Variants in TBL1X observed in about 807,000 individuals in gnomAD.
TBL1X encodes transducin beta like 1 X-linked.
TBL1X carries 10 observed loss-of-function variants against 50.7 expected under a neutral mutation model. That is an observed-to-expected ratio of 0.20 (90% CI 0.12 to 0.33). The LOEUF is 0.33. TBL1X is among the 10% of genes least tolerant of loss of function. The pLI is 1.00. For missense variants in TBL1X, 340 were observed against 504.4 expected (o/e 0.67, Z 3.12); for synonymous variants, 190 against 214.7 (o/e 0.88, Z 1.01).
chrX:9,698,953 C>T (rs1240627729), intron 12 of TBL1X, among the ~76,000 whole-genome samples: 2 of 111,545 alleles, frequency 1.8e-5, no homozygotes, highest in Non-Finnish European at 3.8e-5. Context: ...CAGATTCCCA[C>T]CTGATTCTTC....
chrX:9,515,583 A>G (rs1320227211), intron 2 of TBL1X, among the ~76,000 whole-genome samples: 2 of 112,064 alleles, frequency 1.8e-5, no homozygotes, highest in Non-Finnish European at 3.8e-5. Flanking sequence ...AGAATTCAGC[A>G]CAATTTCCTT....
chrX:9,625,871 G>A lies in TBL1X; in HGVS notation c.-130-14402G>A, dbSNP rs766893993. 5.8e-4 allele frequency among the ~76,000 whole-genome samples: 65 copies of A among 112,228 alleles called. 1 individual carries two copies. Among genetic ancestry groups the A allele is most frequent in the Non-Finnish European group, 7.7e-4 (41 of 53,168 alleles). Reference sequence around the variant, plus strand: ...GGAGAATCGCTTGAACCCGGCGGGGGGGCGGAGGTTACAGTGAGCCGAGAT... The same window carrying A: ...GGAGAATCGCTTGAACCCGGCGGGGAGGCGGAGGTTACAGTGAGCCGAGAT... On this transcript the variant is annotated intron_variant, in intron 2 of 17. Transcript: ENST00000645353.
chrX:9,674,680 GCCCCCCCCCCCCCC>G (rs57080019), intron 5 of TBL1X, among the ~76,000 whole-genome samples: 51 of 4,007 alleles, frequency 0.013, 7 homozygotes, highest in African/African-American at 0.034. Flanking sequence ...TCCCGCCTCA[GCCCCCCCCCCCCCC>G]CCCCCCCCCC....
In TBL1X at chrX:9,687,884, G is replaced by A. The variant is rs148824311; in HGVS notation, c.358-133G>A. 1.8e-3 allele frequency: 1,975 copies of A among 1,070,956 alleles called. 22 individuals carry two copies. The African/African-American group carries it at 0.032, about 17-fold the overall frequency. The allele number at this position is 1,070,956 out of a possible 1,213,427, so 88.3% of individuals were successfully genotyped here. On this transcript the variant is annotated intron_variant, in intron 6 of 17. Coordinates refer to ENST00000645353, the MANE Select transcript of TBL1X (RefSeq NM_005647.4). Reference sequence around the variant, plus strand: ...GCTCCAGGTCCATGCCGCTTCCCCCGTGGCCCCCTGGTTGCTGGGAGCCAG... The same window carrying A: ...GCTCCAGGTCCATGCCGCTTCCCCCATGGCCCCCTGGTTGCTGGGAGCCAG...
chrX:9,629,512 G>A (rs1439174933), intron 2 of TBL1X, among the ~76,000 whole-genome samples: 14 of 112,222 alleles, frequency 1.2e-4, no homozygotes, highest in Non-Finnish European at 1.3e-4. Flanking sequence ...AGCCAAACAA[G>A]ACAAATTATG....
chrX:9,649,339 CT>C (rs969459568), intron 3 of TBL1X, among the ~76,000 whole-genome samples: 1 of 112,200 alleles, frequency 8.9e-6, no homozygotes, highest in Admixed American at 9.4e-5. Context: ...AAAATATGTA[CT>C]TGAGATGGAG....
At chrX:9,677,406 G>A (rs2083000920) in intron 5 of TBL1X, among the ~76,000 whole-genome samples, 1 of 108,806 alleles carries the variant, frequency 9.2e-6, no homozygotes, top group Non-Finnish European at 1.9e-5. Context: ...GTGTTAACCA[G>A]TGGCTGTTTG....
intron 2 of TBL1X, among the ~76,000 whole-genome samples, chrX:9,568,070 T>G (rs2082360876): frequency 8.9e-6 from 1 of 111,879 alleles, no homozygotes; most frequent in African/African-American, 3.3e-5. Flanking sequence ...CCCAGCGAGT[T>G]CTCTGTCTCC....
Position 9,690,426 on chromosome X carries a change from G to A in TBL1X, c.617-1153G>A, listed in dbSNP as rs182116356. Reference sequence around the variant, plus strand: ...GACTGTCTTCTCTCCATGTCTTCACGTGCTCGTTCCTCTGGTTGTGTCTGT... The same window carrying A: ...GACTGTCTTCTCTCCATGTCTTCACATGCTCGTTCCTCTGGTTGTGTCTGT... On this transcript the variant is annotated intron_variant, in intron 7 of 17. Coordinates refer to ENST00000645353, the MANE Select transcript of TBL1X (RefSeq NM_005647.4). 7.2e-5 allele frequency among the ~76,000 whole-genome samples: 8 copies of A among 111,145 alleles called. No individual in the cohort carries two copies. In the East Asian group the frequency reaches 1.7e-3, roughly 24 times the overall value.
At chrX:9,654,437 G>A in intron 5 of TBL1X, 115 bp downstream of exon 5, 21 of 812,365 alleles carry the variant, frequency 2.6e-5, no homozygotes, top group Non-Finnish European at 3.6e-5. Context: ...GAGCTAAGAA[G>A]GTTCTTAGTG....
At chrX:9,715,141 A>G (rs2083270728) in intron 17 of TBL1X, 138 bp downstream of exon 17, 1 of 563,572 alleles carries the variant, frequency 1.8e-6, no homozygotes, top group Non-Finnish European at 2.9e-6. Context: ...GCTGGATCCC[A>G]TCGGAGTTGG....
At chrX:9,639,841 C>T (rs999306193) in intron 2 of TBL1X, 3 of 111,945 alleles carry the variant, frequency 2.7e-5, no homozygotes, top group African/African-American at 9.7e-5. Context: ...GTTGTCTTCT[C>T]CCGAGGGTGT....
intron 2 of TBL1X, among the ~76,000 whole-genome samples, chrX:9,622,957 CTGTT>C (rs2082675003): frequency 8.9e-6 from 1 of 112,239 alleles, no homozygotes. Flanking sequence ...GAACAAGTGT[CTGTT>C]TGAGTCTCTG....
intron 2 of TBL1X, among the ~76,000 whole-genome samples, chrX:9,585,571 C>G (rs2082465459): frequency 9.0e-6 from 1 of 111,023 alleles, no homozygotes; most frequent in Admixed American, 9.5e-5. Context: ...GTTCCCTAGG[C>G]TCCTGTAACA....
At chrX:9,575,371 C>A (rs1601768861) in intron 2 of TBL1X, among the ~76,000 whole-genome samples, 1 of 111,585 alleles carries the variant, frequency 9.0e-6, no homozygotes, top group Non-Finnish European at 1.9e-5. Flanking sequence ...TCCCATTCTT[C>A]CCTCCCTGTC....
At chrX:9,543,787 T>G (rs1454620107) in intron 2 of TBL1X, among the ~76,000 whole-genome samples, 1 of 111,460 alleles carries the variant, frequency 9.0e-6, no homozygotes, top group Non-Finnish European at 1.9e-5. Flanking sequence ...AAAATTCCAG[T>G]ATCAAAAATG....
chrX:9,693,019 C>A, intron 9 of TBL1X, 130 bp from the exon 10 acceptor site: 1 of 631,076 alleles, frequency 1.6e-6, no homozygotes, highest in Non-Finnish European at 2.6e-6. Context: ...ATTTTCAATT[C>A]TGTCATTAAA....
intron 5 of TBL1X, among the ~76,000 whole-genome samples, chrX:9,680,189 C>T (rs1288542367): frequency 1.9e-4 from 21 of 111,512 alleles, no homozygotes; most frequent in Non-Finnish European, 3.2e-4. Flanking sequence ...CCCTTAATAC[C>T]GTCACTTTGG....
chrX:9,555,833 T>C (rs1298575076), intron 2 of TBL1X, among the ~76,000 whole-genome samples: 5 of 111,750 alleles, frequency 4.5e-5, no homozygotes, highest in Non-Finnish European at 7.5e-5. Flanking sequence ...AGGCCCCTTT[T>C]TCATATCTAT....
Sources: gnomAD v4.1 joint callset for allele counts (sites outside exome capture counted in the v4.1 genomes callset) on GRCh38, gnomAD v4.1.1 for gene constraint, MANE v1.5 for transcripts, NCBI Gene and HGNC (gene_info 2026-07-23, HGNC 2026-07-21) for gene names.